EGF: variants seen among roughly 807,000 people sequenced by gnomAD.
The protein encoded by EGF is epidermal growth factor.
Under a neutral mutation model 143.8 loss-of-function variants are expected in EGF, and 95 were observed. That is an observed-to-expected ratio of 0.66 (90% confidence interval 0.56 to 0.78). EGF has a LOEUF of 0.78. Among genes scored for constraint, EGF ranks in the 30% least tolerant of loss-of-function variants. The pLI, the probability that EGF is intolerant of heterozygous loss-of-function variation, is 0.00. For missense variants in EGF, 1,320 were observed against 1,470.9 expected (o/e 0.90, Z 1.68); for synonymous variants, 510 against 510.5 (o/e 1.00, Z 0.01).
chr4:109,919,332 T>G (rs887728433), intron 1 of EGF, among the ~76,000 whole-genome samples: 2 of 140,826 alleles, frequency 1.4e-5, no homozygotes, highest in Non-Finnish European at 3.1e-5. Flanking sequence ...TCTCTCTCTC[T>G]CTCTCTCTCA....
chr4:109,915,936 A>G (rs1303717028), intron 1 of EGF, among the ~76,000 whole-genome samples: 1 of 152,138 alleles, frequency 6.6e-6, no homozygotes, highest in Non-Finnish European at 1.5e-5. Context: ...GTTAGCGTCT[A>G]CTTGAGCTAC....
intron 1 of EGF, chr4:109,940,718 A>G: frequency 1.9e-6 from 1 of 514,082 alleles, no homozygotes; most frequent in Non-Finnish European, 3.4e-6. Context: ...ATTTTTCATA[A>G]TTTACCAATG....
At chr4:109,948,740 C>A (rs928782157) in intron 5 of EGF, among the ~76,000 whole-genome samples, 5 of 152,166 alleles carry the variant, frequency 3.3e-5, no homozygotes. Flanking sequence ...CCTGCCTCAG[C>A]CTCCCAAAGT....
At chr4:109,933,424 CTT>C (rs11301315) in intron 1 of EGF, among the ~76,000 whole-genome samples, 68 of 143,712 alleles carry the variant, frequency 4.7e-4, no homozygotes, top group East Asian at 6.1e-4. Flanking sequence ...TCTTTTTTTT[CTT>C]TTTTTTTTTT....
chr4:109,924,983 T>G (rs1738398390), intron 1 of EGF, among the ~76,000 whole-genome samples: 1 of 152,226 alleles, frequency 6.6e-6, no homozygotes, highest in Admixed American at 6.5e-5. Context: ...GCAAGATATT[T>G]GTAAATGAGT....
In EGF at chr4:109,961,837, T is replaced by C; in HGVS notation, c.1190-26T>C. ...TTTTGCAAACCCGATTTAACACTAA[T>C]CTTGACCTTGTTCTTTATTAATTAG... On this transcript the variant is annotated intron_variant, in intron 7 of 23. Transcript: ENST00000265171. 2 of 1,612,896 alleles carry C rather than the reference T, an allele frequency of 1.2e-6. 1 individual carries two copies. The highest frequency in any genetic ancestry group is 2.2e-5 in the South Asian group (2 of 91,072).
At chr4:109,963,053 A>G in intron 8 of EGF, 120 bp from the exon 9 acceptor site, 1 of 1,232,976 alleles carries the variant, frequency 8.1e-7, no homozygotes, top group Non-Finnish European at 1.2e-6. Flanking sequence ...TGAAAGAGTG[A>G]AACTCCATCT....
rs1560643378 is a variant in EGF at position 109,932,373 on chromosome 4, ATAT to A, written c.128-8572_128-8570del. The stretch of plus-strand genomic sequence containing the variant: ...CTCCCATTTAGTCATATATATATAT[ATAT>A]AAATTTTTTTTTTTTTTTTTGAGAC... On this transcript the variant is annotated intron_variant, in intron 1 of 23. Transcript: ENST00000265171. Among the ~76,000 whole-genome samples the A allele has an allele frequency of 6.3e-5, 8 of 126,080 alleles. No individual in the cohort carries two copies. In the East Asian group the frequency reaches 1.8e-3, roughly 28 times the overall value. The allele number at this position is 126,080 out of a possible 152,430, so 82.7% of individuals were successfully genotyped here.
chr4:110,001,210 A>C (rs1392003045), intron 21 of EGF, among the ~76,000 whole-genome samples: 1 of 152,190 alleles, frequency 6.6e-6, no homozygotes, highest in African/African-American at 2.4e-5. Context: ...TACTTATCTC[A>C]AGGGTTATTG....
At chr4:109,938,505 G>A (rs1257567221) in intron 1 of EGF, among the ~76,000 whole-genome samples, 1 of 152,192 alleles carries the variant, frequency 6.6e-6, no homozygotes, top group East Asian at 1.9e-4. Flanking sequence ...ATCTTCTGAA[G>A]CCTACTTCTG....
intron 18 of EGF, among the ~76,000 whole-genome samples, chr4:109,989,064 T>A (rs1388269326): frequency 6.6e-6 from 1 of 152,074 alleles, no homozygotes; most frequent in East Asian, 1.9e-4. Context: ...GTGAATTTGG[T>A]AAGAGAAATG....
intron 1 of EGF, among the ~76,000 whole-genome samples, chr4:109,921,472 T>TTG (rs911565155): frequency 4.0e-5 from 6 of 151,422 alleles, no homozygotes; most frequent in South Asian, 2.1e-4. Flanking sequence ...ACACTGGAAT[T>TTG]TGTGTGTGTG....
chr4:109,960,626 C>T (rs970045439), intron 6 of EGF, among the ~76,000 whole-genome samples: 1 of 152,052 alleles, frequency 6.6e-6, no homozygotes, highest in Non-Finnish European at 1.5e-5. Flanking sequence ...GCCTGGGTGA[C>T]AGAGCCAGAC....
chr4:109,924,370 C>T (rs1019006024), intron 1 of EGF, among the ~76,000 whole-genome samples: 2 of 151,646 alleles, frequency 1.3e-5, no homozygotes, highest in Admixed American at 1.3e-4. Flanking sequence ...TTTAGGAAAA[C>T]TTCCTTAATA....
Position 110,008,161 on chromosome 4 carries a change from A to G in EGF, c.3301A>G (p.Ile1101Val). The change falls in exon 23 of 24, where the codon ATA (isoleucine) becomes GTA (valine). Residue 1101 changes from isoleucine (I) to valine (V), a missense_variant. This residue lies in a region of EGF where 1,186 missense variants were observed against 1,313.7 expected (regional missense o/e 0.90). Coordinates refer to ENST00000265171, the MANE Select transcript of EGF (RefSeq NM_001963.6). ...SSCPQPWFVVIKEHQDLKNGG... is the reference protein window; with the variant it reads ...SSCPQPWFVVVKEHQDLKNGG... ...TTTTTGTTGTCTGCAGTTTGTGGTT[A>G]TAAAAGAACACCAAGACCTCAAGAA... The G allele has an allele frequency of 1.2e-6, 2 of 1,614,012 alleles. No homozygotes were observed. The highest frequency in any genetic ancestry group is 1.7e-6 in the Non-Finnish European group (2 of 1,179,930).
At chr4:109,919,075 C>T (rs1737219906) in intron 1 of EGF, among the ~76,000 whole-genome samples, 1 of 152,124 alleles carries the variant, frequency 6.6e-6, no homozygotes, top group Admixed American at 6.5e-5. Context: ...CCGAGACTTG[C>T]CTTTTTAAAT....
chr4:109,991,199 T>C (rs1341280115), intron 18 of EGF, among the ~76,000 whole-genome samples: 1 of 144,610 alleles, frequency 6.9e-6, no homozygotes, highest in Non-Finnish European at 1.5e-5. Context: ...TTCAAATATA[T>C]CCAAAATATT....
At chr4:110,000,250 CAAAAA>C (rs754279332) in intron 21 of EGF, among the ~76,000 whole-genome samples, 1 of 94,018 alleles carries the variant, frequency 1.1e-5, no homozygotes. Flanking sequence ...GACTCCGTGT[CAAAAA>C]AAAAAAAAAA....
At chr4:109,917,723 C>A (rs1269468186) in intron 1 of EGF, among the ~76,000 whole-genome samples, 1 of 152,088 alleles carries the variant, frequency 6.6e-6, no homozygotes, top group African/African-American at 2.4e-5. Flanking sequence ...CAGGTTCAAG[C>A]AATTCTCCTG....
Sources: allele counts gnomAD v4.1 joint callset (sites outside exome capture counted in the v4.1 genomes callset), GRCh38; gene constraint gnomAD v4.1.1; regional missense constraint gnomAD v4.1.1; transcripts MANE v1.5; gene names NCBI Gene and HGNC (gene_info 2026-07-23, HGNC 2026-07-21).